Variants in GRM5 observed in about 807,000 individuals in gnomAD.
The protein encoded by GRM5 is metabotropic glutamate receptor 5.
GRM5 carries 19 observed loss-of-function variants against 83.1 expected under a neutral mutation model. That is an observed-to-expected ratio of 0.23 (90% confidence interval 0.16 to 0.34). The LOEUF (loss-of-function observed/expected upper bound fraction) is 0.34. Ranked by LOEUF, GRM5 falls within the 10% of genes least tolerant of loss-of-function variation. The pLI, the probability that GRM5 is intolerant of heterozygous loss-of-function variation, is 1.00. For synonymous variants in GRM5, 675 were observed against 633.6 expected (o/e 1.07, Z -0.98); for missense variants, 1,160 against 1,588.3 (o/e 0.73, Z 4.58).
intron 3 of GRM5, among the ~76,000 whole-genome samples, chr11:88,778,510 T>C (rs1942907064): frequency 6.6e-6 from 1 of 152,158 alleles, no homozygotes; most frequent in African/African-American, 2.4e-5. Context: ...CAGTTGGAAA[T>C]GCAGAAATCA....
chr11:88,984,996 A>T, intron 2 of GRM5: 1 of 508,108 alleles, frequency 2.0e-6, no homozygotes, highest in Non-Finnish European at 3.6e-6. Flanking sequence ...CTGGTACTCA[A>T]TTTTACTCCA....
intron 2 of GRM5, among the ~76,000 whole-genome samples, chr11:88,998,488 TTGAAAGACCAAATGCTTTAG>T (rs1261273747): frequency 2.0e-5 from 3 of 152,184 alleles, no homozygotes; most frequent in Non-Finnish European, 4.4e-5. Flanking sequence ...ATACTTCATG[TTGAAAGACCAAATGCTTTAG>T]TCTAAGATTA....
At chr11:88,966,964 T>C (rs1259231484) in intron 2 of GRM5, among the ~76,000 whole-genome samples, 5 of 152,128 alleles carry the variant, frequency 3.3e-5, no homozygotes, top group African/African-American at 1.2e-4. Flanking sequence ...CTTTCAAAGC[T>C]AGCTGTGGCC....
At chr11:88,538,088 A>T (rs900739397) in intron 8 of GRM5, among the ~76,000 whole-genome samples, 21 of 148,102 alleles carry the variant, frequency 1.4e-4, no homozygotes, top group African/African-American at 1.8e-4. Flanking sequence ...CTTCAATGTT[A>T]TAGAAAACAG....
intron 3 of GRM5, among the ~76,000 whole-genome samples, chr11:88,817,236 T>A (rs1044943238): frequency 1.3e-5 from 2 of 152,152 alleles, no homozygotes; most frequent in Admixed American, 1.3e-4. Context: ...CACAAATAAT[T>A]TTGGATACGT....
intron 5 of GRM5, among the ~76,000 whole-genome samples, chr11:88,601,599 G>A (rs1049594993): frequency 3.3e-5 from 5 of 151,970 alleles, no homozygotes; most frequent in Admixed American, 6.6e-5. Flanking sequence ...CATTTTTGCC[G>A]TTGTTTTCAA....
rs1941204594 is a variant in GRM5 at position 88,507,344 on chromosome 11, A to C, written c.*1248T>G. 1 of 152,206 alleles carries C rather than the reference A, an allele frequency of 6.6e-6. No individual in the cohort carries two copies. The highest frequency in any genetic ancestry group is 2.4e-5 in the African/African-American group (1 of 41,456). The allele number at this position is 152,206 out of a possible 1,614,324, so 9.4% of individuals were successfully genotyped here. On this transcript the variant is annotated 3_prime_UTR_variant, in exon 10 of 10. Coordinates refer to ENST00000305447, the MANE Select transcript of GRM5 (RefSeq NM_001143831.3). Reference sequence around the variant, plus strand: ...TTTTGTATTGCTTTGAAAAATCTACATTTGTCATAGTTCATAGCTGCCCTG... The same window carrying C: ...TTTTGTATTGCTTTGAAAAATCTACCTTTGTCATAGTTCATAGCTGCCCTG...
At chr11:89,029,508 T>C (rs1256173247) in intron 2 of GRM5, among the ~76,000 whole-genome samples, 2 of 152,206 alleles carry the variant, frequency 1.3e-5, no homozygotes, top group Non-Finnish European at 2.9e-5. Context: ...ACATATAGCA[T>C]ATATTTCAAT....
At chr11:88,976,622 G>A (rs1012422473) in intron 2 of GRM5, among the ~76,000 whole-genome samples, 2 of 152,002 alleles carry the variant, frequency 1.3e-5, no homozygotes, top group African/African-American at 4.8e-5. Context: ...GGAGGTTGAT[G>A]ATGCTGAGTT....
chr11:88,634,945 G>A (rs1019447474), intron 4 of GRM5, among the ~76,000 whole-genome samples: 1 of 152,114 alleles, frequency 6.6e-6, no homozygotes, highest in Non-Finnish European at 1.5e-5. Flanking sequence ...TGTTGTATAT[G>A]TGGACCATCG....
At chr11:89,053,975 C>G (rs1941817553) in intron 1 of GRM5, among the ~76,000 whole-genome samples, 1 of 152,116 alleles carries the variant, frequency 6.6e-6, no homozygotes, top group African/African-American at 2.4e-5. Context: ...ACATGGAGAA[C>G]AAGAGGTAAT....
At chr11:88,886,990 C>A in intron 2 of GRM5, among the ~76,000 whole-genome samples, 1 of 152,122 alleles carries the variant, frequency 6.6e-6, no homozygotes, top group Non-Finnish European at 1.5e-5. Flanking sequence ...AGGCCAACAG[C>A]CCCACCTAGT....
rs1448503959 is a variant in GRM5, at chr11:88,525,438, A to T, written c.2631-34T>A. 3.0e-6 allele frequency: 4 copies of T among 1,312,270 alleles called. No homozygotes were observed. The Admixed American group carries it at 6.8e-5, about 22-fold the overall frequency. 81.3% of individuals were successfully genotyped at this position (1,312,270 alleles called of 1,614,324 possible). ...CATGAACAAGGACAGGAGCAAACAG[A>T]AAGACGTGATTGTGTGCTTAACTGC... On this transcript the variant is annotated intron_variant, in intron 8 of 9. Coordinates refer to ENST00000305447, the MANE Select transcript of GRM5 (RefSeq NM_001143831.3).
intron 2 of GRM5, among the ~76,000 whole-genome samples, chr11:88,998,936 T>C (rs981556767): frequency 2.6e-5 from 4 of 152,084 alleles, no homozygotes; most frequent in African/African-American, 7.2e-5. Flanking sequence ...GAATGCCGCA[T>C]GTCTACAACT....
At chr11:88,517,032 GATTA>G (rs1383488987) in intron 9 of GRM5, among the ~76,000 whole-genome samples, 6 of 151,516 alleles carry the variant, frequency 4.0e-5, no homozygotes, top group East Asian at 1.9e-4. Flanking sequence ...AATATTTCTA[GATTA>G]ATTGTGTACC....
In GRM5 at chr11:88,887,960, C is replaced by T. The variant is rs117435832; in HGVS notation, c.662-37805G>A. Among the ~76,000 whole-genome samples, 310 of 152,222 alleles carry T rather than the reference C, an allele frequency of 2.0e-3. 15 individuals are homozygous for T. In the East Asian group the frequency reaches 0.052, roughly 25 times the overall value. ...AAAAGCAACTTCCAGGGGAACCACC[C>T]GAGGCAGCTATTGTGTGTACCAGCC... On this transcript the variant is annotated intron_variant, in intron 2 of 9. Coordinates refer to ENST00000305447, the MANE Select transcript of GRM5 (RefSeq NM_001143831.3).
intron 3 of GRM5, among the ~76,000 whole-genome samples, chr11:88,751,812 A>C (rs12284425): frequency 0.67 from 101,878 of 152,020 alleles, 34,880 homozygotes; most frequent in Non-Finnish European, 0.73. Context: ...CAAATCAATA[A>C]ATGTAATTCA....
intron 3 of GRM5, among the ~76,000 whole-genome samples, chr11:88,838,084 CAAAAAAAAAAAAAAA>C (rs1157680177): frequency 3.6e-5 from 2 of 55,444 alleles, no homozygotes; most frequent in Non-Finnish European, 6.7e-5. Flanking sequence ...GACTCCATCT[CAAAAAAAAAAAAAAA>C]AAAAAAAAAA....
At chr11:88,562,330 G>A (rs902335108) in intron 8 of GRM5, among the ~76,000 whole-genome samples, 1 of 152,030 alleles carries the variant, frequency 6.6e-6, no homozygotes, top group Admixed American at 6.6e-5. Context: ...TATATGCTTA[G>A]CTCTAGTAAT....
Sources: allele counts gnomAD v4.1 joint callset (sites outside exome capture counted in the v4.1 genomes callset), GRCh38; gene constraint gnomAD v4.1.1; transcripts MANE v1.5; gene names NCBI Gene and HGNC (gene_info 2026-07-23, HGNC 2026-07-21).